The following APP variants were observed in gnomAD, a reference collection of about 807,000 sequenced individuals.
APP encodes the protein amyloid-beta precursor protein.
A neutral mutation model predicts 101.4 loss-of-function variants in APP; 31 were observed. The observed-to-expected ratio is 0.31, with a 90% CI of 0.23 to 0.41. APP has a LOEUF of 0.41. Ranked by LOEUF, APP falls within the 10% of genes least tolerant of loss-of-function variation. The pLI is 1.00. For missense variants in APP, 839 were observed against 1,003.7 expected, an observed-to-expected ratio of 0.84 and a Z score of 2.22; for synonymous variants, 366 against 364.4, an observed-to-expected ratio of 1.00 and a Z score of -0.05.
intron 11 of APP, 32 bp downstream of exon 11, chr21:25,975,038 T>C: frequency 6.2e-7 from 1 of 1,613,626 alleles, no homozygotes; most frequent in Non-Finnish European, 8.5e-7. Flanking sequence ...TGCTGTGACC[T>C]GAAGTGTGAA....
At chr21:25,929,772 C>T (rs1333392581) in intron 13 of APP, among the ~76,000 whole-genome samples, 2 of 152,172 alleles carry the variant, frequency 1.3e-5, no homozygotes, top group African/African-American at 2.4e-5. Flanking sequence ...AGTTTTCATG[C>T]TCTTGCACGC....
rs535459952 is a variant in APP, at chr21:25,913,439, T to C, written c.1688-1477A>G. Among the ~76,000 whole-genome samples the C allele has an allele frequency of 8.5e-5, 13 of 152,344 alleles. No individual in the cohort carries two copies. The South Asian group carries it at 2.7e-3, about 32-fold the overall frequency. ...ACCCTCATTAGATTTCCTCCAACTT[T>C]TTCATGTTTTACAAAGCCATAGGTA... On this transcript the variant is annotated intron_variant, in intron 13 of 17. Transcript: ENST00000346798.
intron 15 of APP, 81 bp downstream of exon 15, chr21:25,904,943 C>T (rs2038710249): frequency 1.6e-6 from 2 of 1,246,474 alleles, no homozygotes; most frequent in Admixed American, 1.9e-5. Context: ...TTGAGAGAGG[C>T]TTAAAATGCA....
intron 2 of APP, among the ~76,000 whole-genome samples, chr21:26,095,874 CCTT>C (rs2061930631): frequency 6.6e-6 from 1 of 152,164 alleles, no homozygotes; most frequent in Non-Finnish European, 1.5e-5. Context: ...CTCATACTCC[CCTT>C]CTTTTCTAAA....
intron 13 of APP, among the ~76,000 whole-genome samples, chr21:25,932,030 AAAT>A (rs1344470245): frequency 6.6e-6 from 1 of 152,202 alleles, no homozygotes; most frequent in Non-Finnish European, 1.5e-5. Flanking sequence ...ACCCATGATA[AAAT>A]AACATGTTGT....
chr21:26,062,764 T>A (rs887610200), intron 3 of APP, among the ~76,000 whole-genome samples: 25 of 152,116 alleles, frequency 1.6e-4, no homozygotes, highest in African/African-American at 5.8e-4. Flanking sequence ...TTTATATTTT[T>A]TATTTTTTAT....
rs181357062 is a variant in APP at position 25,978,797 on chromosome 21, C to A, written c.1225-2769G>T. Reference sequence around the variant, plus strand: ...TGAAACCCTGTCTCTACTAAAAATACAAAAATTAGCTCGGCGTGGTGGCAC... The same window carrying A: ...TGAAACCCTGTCTCTACTAAAAATAAAAAAATTAGCTCGGCGTGGTGGCAC... On this transcript the variant is annotated intron_variant, in intron 9 of 17. Coordinates refer to ENST00000346798, the MANE Select transcript of APP (RefSeq NM_000484.4). Among the ~76,000 whole-genome samples the A allele has an allele frequency of 7.2e-5, 11 of 152,158 alleles. No homozygotes were observed. The East Asian group carries it at 2.1e-3, about 29-fold the overall frequency.
At chr21:26,092,531 G>T (rs1221240027) in intron 2 of APP, among the ~76,000 whole-genome samples, 1 of 152,190 alleles carries the variant, frequency 6.6e-6, no homozygotes, top group East Asian at 1.9e-4. Context: ...GGGGGCAGGG[G>T]GAGGATGAAC....
intron 3 of APP, among the ~76,000 whole-genome samples, chr21:26,061,868 T>C (rs1181645076): frequency 1.3e-5 from 2 of 152,152 alleles, no homozygotes; most frequent in East Asian, 3.8e-4. Context: ...AGTGCACAGA[T>C]CCAGCCTCAC....
At chr21:25,892,243 G>A (rs925034403) in intron 16 of APP, among the ~76,000 whole-genome samples, 5 of 152,056 alleles carry the variant, frequency 3.3e-5, no homozygotes, top group African/African-American at 1.2e-4. Context: ...ATAGCGCTTG[G>A]ATCTATCAAA....
At chr21:26,062,661 C>CAAATAAATAAATAAAT (rs10529214) in intron 3 of APP, among the ~76,000 whole-genome samples, 9,572 of 145,188 alleles carry the variant, frequency 0.066, 441 homozygotes, top group African/African-American at 0.11. Flanking sequence ...GACTCTGTCT[C>CAAATAAATAAATAAAT]AAATAAATAA....
At chr21:26,164,305 G>A (rs922672954) in intron 1 of APP, among the ~76,000 whole-genome samples, 3 of 152,194 alleles carry the variant, frequency 2.0e-5, no homozygotes, top group African/African-American at 2.4e-5. Flanking sequence ...GAGAAATGCC[G>A]CATTCTCAAG....
chr21:26,153,456 T>A (rs909385687), intron 1 of APP, among the ~76,000 whole-genome samples: 1 of 64,510 alleles, frequency 1.6e-5, no homozygotes, highest in African/African-American at 9.4e-5. Context: ...CCCCTGTACC[T>A]TGTTGTTGTT....
chr21:26,002,143 G>T (rs893415653), intron 6 of APP, among the ~76,000 whole-genome samples: 1 of 152,168 alleles, frequency 6.6e-6, no homozygotes, highest in Non-Finnish European at 1.5e-5. Flanking sequence ...TGATGCTTTC[G>T]TAGCCACGTT....
intron 1 of APP, among the ~76,000 whole-genome samples, chr21:26,114,166 C>G (rs952369609): frequency 1.3e-5 from 2 of 152,210 alleles, no homozygotes; most frequent in African/African-American, 4.8e-5. Flanking sequence ...TCTCTCTGTA[C>G]TTTTGTTTAT....
At chr21:25,974,300 T>C (rs947238662) in intron 11 of APP, among the ~76,000 whole-genome samples, 1 of 152,124 alleles carries the variant, frequency 6.6e-6, no homozygotes. Context: ...CTGGGCAAGG[T>C]TACTTCTAAA....
intron 13 of APP, among the ~76,000 whole-genome samples, chr21:25,948,578 GA>G (rs76833625): frequency 0.52 from 79,207 of 151,856 alleles, 23,867 homozygotes; most frequent in Non-Finnish European, 0.67. Context: ...AATGCTAGAA[GA>G]AAAAAAATGG....
intron 17 of APP, among the ~76,000 whole-genome samples, chr21:25,882,661 G>A (rs1475409392): frequency 4.0e-5 from 6 of 151,856 alleles, no homozygotes; most frequent in East Asian, 3.9e-4. Context: ...ACCTCTCCCC[G>A]TTCGCAGAAG....
chr21:26,170,574 C>G lies in APP; in HGVS notation c.47G>C (p.Arg16Pro), dbSNP rs955517095. 2 of 1,538,638 alleles carry G rather than the reference C, an allele frequency of 1.3e-6. No individual in the cohort carries two copies. The highest frequency in any genetic ancestry group is 2.4e-5 in the South Asian group (2 of 83,866). Residue 16 changes from arginine to proline, a missense_variant, in exon 1 of 18, where the codon CGG (arginine) becomes CCG (proline). Coordinates refer to ENST00000346798, the MANE Select transcript of APP (RefSeq NM_000484.4). ...AGGCGCGGCACCCACCTCCAGCGCC[C>G]GAGCCGTCCAGGCGGCCAGCAGGAG... ...ALLLLAAWTA[R>P]ALEVPTDGNA...
Sources: allele counts gnomAD v4.1 joint callset (sites outside exome capture counted in the v4.1 genomes callset), GRCh38; gene constraint gnomAD v4.1.1; transcripts MANE v1.5; gene names NCBI Gene and HGNC (gene_info 2026-07-23, HGNC 2026-07-21).